LINGO2: variants seen among roughly 807,000 people sequenced by gnomAD.
LINGO2 encodes leucine-rich repeat and immunoglobulin-like domain-containing nogo receptor-interacting protein 2.
LINGO2 carries 14 observed loss-of-function variants against 30.6 expected under a neutral mutation model. The ratio of observed to expected loss-of-function variants is 0.46; its 90% CI spans 0.30 to 0.72. The LOEUF is 0.72. Ranked by LOEUF, LINGO2 falls within the 30% of genes least tolerant of loss-of-function variation. LINGO2 has a pLI of 0.07. For missense variants in LINGO2, 729 were observed against 751.7 expected, an observed-to-expected ratio of 0.97 and a Z score of 0.35; for synonymous variants, 317 against 288.5, an observed-to-expected ratio of 1.10 and a Z score of -1.00.
chr9:28,944,293 T>C, the LINGO2 span, among the ~76,000 whole-genome samples: 1 of 152,156 alleles, frequency 6.6e-6, no homozygotes, highest in Non-Finnish European at 1.5e-5. Context: ...TAACATCACA[T>C]TGGCCAGAAC....
At chr9:29,166,907 T>C in the LINGO2 span, among the ~76,000 whole-genome samples, 3 of 152,048 alleles carry the variant, frequency 2.0e-5, no homozygotes, top group African/African-American at 7.2e-5. Context: ...ACTAAAAATA[T>C]AAGCAGGCAG....
At chr9:28,648,352 C>A (rs1413209370) in intron 1 of LINGO2, among the ~76,000 whole-genome samples, 1 of 152,062 alleles carries the variant, frequency 6.6e-6, no homozygotes, top group Non-Finnish European at 1.5e-5. Flanking sequence ...TAAATCCATA[C>A]CCTATACATT....
the LINGO2 span, among the ~76,000 whole-genome samples, chr9:29,008,457 G>A: frequency 1.3e-5 from 2 of 152,134 alleles, no homozygotes; most frequent in Non-Finnish European, 2.9e-5. Context: ...TGGGATGGCT[G>A]GGTCAAATGG....
chr9:28,296,921 T>G (rs1054338189), intron 3 of LINGO2, among the ~76,000 whole-genome samples: 6 of 152,202 alleles, frequency 3.9e-5, no homozygotes, highest in Non-Finnish European at 8.8e-5. Flanking sequence ...CTACTTCCTA[T>G]CTTCTTTGAA....
the LINGO2 span, among the ~76,000 whole-genome samples, chr9:28,695,674 T>G: frequency 6.6e-6 from 1 of 151,298 alleles, no homozygotes; most frequent in Non-Finnish European, 1.5e-5. Flanking sequence ...AAGAAAATAC[T>G]ATAAAGCTGC....
the LINGO2 span, among the ~76,000 whole-genome samples, chr9:28,707,384 C>G: frequency 2.0e-5 from 3 of 152,090 alleles, no homozygotes; most frequent in Non-Finnish European, 4.4e-5. Flanking sequence ...AATGAATTCC[C>G]CTGACAGTCC....
chr9:28,597,922 G>A (rs1825267922), intron 1 of LINGO2, among the ~76,000 whole-genome samples: 2 of 151,948 alleles, frequency 1.3e-5, no homozygotes, highest in African/African-American at 2.4e-5. Flanking sequence ...GTGGCATCAT[G>A]CCCAGCTAAT....
At chr9:28,348,796 A>G (rs1201347087) in intron 3 of LINGO2, among the ~76,000 whole-genome samples, 1 of 151,986 alleles carries the variant, frequency 6.6e-6, no homozygotes, top group Non-Finnish European at 1.5e-5. Flanking sequence ...ACGCAGCTGG[A>G]GATCTGAGAA....
At chr9:28,370,758 C>T (rs1018712578) in intron 3 of LINGO2, among the ~76,000 whole-genome samples, 16 of 152,094 alleles carry the variant, frequency 1.1e-4, no homozygotes, top group African/African-American at 2.2e-4. Context: ...CACTGTGGGA[C>T]GCCTCATGTT....
intron 2 of LINGO2, among the ~76,000 whole-genome samples, chr9:28,387,634 C>G (rs747555062): frequency 2.3e-4 from 35 of 152,190 alleles, no homozygotes; most frequent in Non-Finnish European, 4.0e-4. Flanking sequence ...TGCCAGACCA[C>G]GAACCCATCA....
the LINGO2 span, among the ~76,000 whole-genome samples, chr9:29,107,766 C>A: frequency 2.6e-5 from 4 of 151,964 alleles, no homozygotes; most frequent in Non-Finnish European, 4.4e-5. Context: ...CTATATTGCA[C>A]ATCATATAAA....
At chr9:28,359,722 T>C (rs1286959635) in intron 3 of LINGO2, among the ~76,000 whole-genome samples, 1 of 152,160 alleles carries the variant, frequency 6.6e-6, no homozygotes, top group Non-Finnish European at 1.5e-5. Flanking sequence ...ATACCCAATG[T>C]GTATAGTGAA....
the LINGO2 span, among the ~76,000 whole-genome samples, chr9:28,850,849 G>A: frequency 8.6e-5 from 13 of 152,002 alleles, no homozygotes; most frequent in Admixed American, 1.3e-4. Context: ...ACTGATCAGA[G>A]AGGAAATTCT....
intron 3 of LINGO2, among the ~76,000 whole-genome samples, chr9:28,299,801 A>C (rs867640772): frequency 1.5e-4 from 23 of 152,154 alleles, no homozygotes; most frequent in Admixed American, 2.0e-4. Flanking sequence ...TTTATAGATG[A>C]AAAACTTAGT....
chr9:28,552,647 T>C (rs186693977), intron 1 of LINGO2, among the ~76,000 whole-genome samples: 1 of 151,918 alleles, frequency 6.6e-6, no homozygotes, highest in Admixed American at 6.6e-5. Flanking sequence ...TTTTATGATT[T>C]TTTTTTTTCA....
intron 3 of LINGO2, among the ~76,000 whole-genome samples, chr9:28,330,893 G>A (rs1394310165): frequency 6.6e-6 from 1 of 152,050 alleles, no homozygotes; most frequent in African/African-American, 2.4e-5. Context: ...AATTCATTCT[G>A]CCTCATTCAA....
chr9:28,003,007 G>A (rs1411560201), intron 5 of LINGO2, among the ~76,000 whole-genome samples: 1 of 152,038 alleles, frequency 6.6e-6, no homozygotes. Context: ...GGCCACCTGT[G>A]ACCCCCAAAT....
chr9:28,058,438 G>C (rs1019517125), intron 4 of LINGO2, among the ~76,000 whole-genome samples: 10 of 151,980 alleles, frequency 6.6e-5, no homozygotes, highest in African/African-American at 2.4e-4. Context: ...ACAATACATA[G>C]GTATAAAAAT....
At chr9:28,292,457 T>C (rs963449917) in intron 4 of LINGO2, among the ~76,000 whole-genome samples, 1 of 152,162 alleles carries the variant, frequency 6.6e-6, no homozygotes, top group Admixed American at 6.5e-5. Flanking sequence ...AATTATTTTA[T>C]CTTTATTTTT....
Sources: gnomAD v4.1 joint callset for allele counts (sites outside exome capture counted in the v4.1 genomes callset) on GRCh38, gnomAD v4.1.1 for gene constraint, MANE v1.5 for transcripts, NCBI Gene and HGNC (gene_info 2026-07-23, HGNC 2026-07-21) for gene names.